CCDC39: variants seen among roughly 807,000 people sequenced by gnomAD.
CCDC39 encodes the protein coiled-coil domain 39 molecular ruler complex subunit, also known as coiled-coil domain-containing protein 39.
A neutral mutation model predicts 121.0 loss-of-function variants in CCDC39; 113 were observed. The ratio of observed to expected loss-of-function variants is 0.93; its 90% confidence interval spans 0.80 to 1.09. The LOEUF is 1.09. Ranked by LOEUF, CCDC39 falls within the 50% of genes least tolerant of loss-of-function variation. The probability of loss-of-function intolerance (pLI) is 0.00; values close to 1 mark genes in which losing one functional copy is unlikely to be tolerated. For missense variants in CCDC39, 1,063 were observed against 1,074.7 expected (o/e 0.99, Z 0.15); for synonymous variants, 349 against 352.2 (o/e 0.99, Z 0.10).
At chr3:180,671,561 A>T (rs1377476920) in intron 1 of CCDC39, among the ~76,000 whole-genome samples, 1 of 152,172 alleles carries the variant, frequency 6.6e-6, no homozygotes, top group East Asian at 1.9e-4. Flanking sequence ...CCTGCATCAA[A>T]AGATTTAGTG....
rs201549088 is a variant in CCDC39, at chr3:180,614,779, C to CT, written c.*141dup. 9.6e-4 allele frequency: 637 copies of CT among 661,290 alleles called. 1 individual carries two copies. Among genetic ancestry groups the CT allele is most frequent in the East Asian group, 9.0e-3 (288 of 32,168 alleles). The allele number at this position is 661,290 out of a possible 1,614,324, so 41.0% of individuals were successfully genotyped here. A position where few individuals can be genotyped will look rare whatever the true frequency, so the allele number is the denominator to read the frequency against. On this transcript the variant is annotated 3_prime_UTR_variant, in exon 20 of 20. Coordinates refer to ENST00000476379, the MANE Select transcript of CCDC39 (RefSeq NM_181426.2). ...AACAGTAGAGAAAATGAGAACGTTC[C>CT]TTTTTTTTTAAAACTATCAGTTTTT...
intron 14 of CCDC39, among the ~76,000 whole-genome samples, chr3:180,622,280 G>A (rs1325531873): frequency 2.6e-5 from 4 of 152,012 alleles, no homozygotes; most frequent in Non-Finnish European, 5.9e-5. Flanking sequence ...CGAAACTGCT[G>A]AATTCATTTA....
chr3:180,631,398 C>G (rs1372285157), intron 14 of CCDC39, 71 bp downstream of exon 14: 1 of 1,348,930 alleles, frequency 7.4e-7, no homozygotes, highest in Non-Finnish European at 1.0e-6. Flanking sequence ...TATTTAAATT[C>G]AGAGGATTAT....
At chr3:180,617,417 G>C (rs997835740) in intron 16 of CCDC39, 1 of 669,136 alleles carries the variant, frequency 1.5e-6, no homozygotes, top group East Asian at 2.7e-5. Context: ...CTATAAAACA[G>C]CCTCAGGCAG....
At chr3:180,655,521 T>C (rs1370011342) in intron 6 of CCDC39, among the ~76,000 whole-genome samples, 2 of 151,150 alleles carry the variant, frequency 1.3e-5, no homozygotes, top group East Asian at 3.9e-4. Context: ...TATACTTTCC[T>C]GGCTTTCCAG....
intron 8 of CCDC39, 108 bp from the exon 9 acceptor site, chr3:180,651,641 T>A (rs1404451099): frequency 4.7e-6 from 5 of 1,062,722 alleles, no homozygotes; most frequent in African/African-American, 1.7e-5. Flanking sequence ...AAGGGGTTTT[T>A]TGCGTAAACC....
chr3:180,647,572 T>G (rs1367896593), intron 10 of CCDC39, among the ~76,000 whole-genome samples: 1 of 152,132 alleles, frequency 6.6e-6, no homozygotes, highest in Non-Finnish European at 1.5e-5. Context: ...GGGCACATTA[T>G]CTAAGGGATA....
At chr3:180,670,638 TC>T (rs1233989051) in intron 1 of CCDC39, among the ~76,000 whole-genome samples, 125 of 135,042 alleles carry the variant, frequency 9.3e-4, no homozygotes, top group African/African-American at 3.4e-3. Flanking sequence ...CTTTTTTTTC[TC>T]TTTTTTTTTT....
chr3:180,655,598 A>G (rs973415389), intron 6 of CCDC39, among the ~76,000 whole-genome samples: 2 of 152,084 alleles, frequency 1.3e-5, no homozygotes, highest in Non-Finnish European at 2.9e-5. Flanking sequence ...CCAAGAGGCA[A>G]CATTTGAGTC....
At chr3:180,655,761 G>T (rs1453921791) in intron 6 of CCDC39, among the ~76,000 whole-genome samples, 2 of 152,008 alleles carry the variant, frequency 1.3e-5, no homozygotes, top group Non-Finnish European at 1.5e-5. Flanking sequence ...GCCAAATTGT[G>T]AAAAAATTCA....
rs1456436127 is a variant in CCDC39, at chr3:180,677,818, CTT to C, written c.90+1471_90+1472del. 9.2e-5 allele frequency among the ~76,000 whole-genome samples: 14 copies of C among 152,006 alleles called. 1 individual carries two copies. The highest frequency in any genetic ancestry group is 7.9e-4 in the Admixed American group (12 of 15,258). ...AATCATTTCTACAGTACAGTGGACA[CTT>C]TGGAGAGGAAATACCTTATGTTTTT... On this transcript the variant is annotated intron_variant, in intron 1 of 19. Transcript: ENST00000476379.
intron 14 of CCDC39, among the ~76,000 whole-genome samples, chr3:180,621,534 GTCT>G (rs761566977): frequency 6.6e-5 from 10 of 151,916 alleles, no homozygotes; most frequent in Admixed American, 2.0e-4. Flanking sequence ...CCATTTGTTT[GTCT>G]TCTTTTGAAA....
intron 1 of CCDC39, among the ~76,000 whole-genome samples, chr3:180,670,605 G>A (rs1361432492): frequency 7.0e-6 from 1 of 142,934 alleles, no homozygotes; most frequent in Non-Finnish European, 1.5e-5. Flanking sequence ...CTTCATGTCT[G>A]TATATGTAAA....
Position 180,654,969 on chromosome 3 carries a change from A to C in CCDC39, c.739-16T>G. The C allele has an allele frequency of 6.9e-7, 1 of 1,444,402 alleles. No homozygotes were observed. Among genetic ancestry groups the C allele is most frequent in the Non-Finnish European group, 9.2e-7 (1 of 1,083,370 alleles). The allele number at this position is 1,444,402 out of a possible 1,614,324, so 89.5% of individuals were successfully genotyped here. A position where few individuals can be genotyped will look rare whatever the true frequency, so the allele number is the denominator to read the frequency against. On this transcript the variant is annotated splice_polypyrimidine_tract_variant and intron_variant, in intron 6 of 19. Coordinates refer to ENST00000476379, the MANE Select transcript of CCDC39 (RefSeq NM_181426.2). ...TTGCTAATTCCTAGGATTAAAACAAATATGTTTACTTAAATATATGTTTAA... is the reference window on the plus strand; with the variant it reads ...TTGCTAATTCCTAGGATTAAAACAACTATGTTTACTTAAATATATGTTTAA...
chr3:180,638,407 C>A (rs1308889618), intron 13 of CCDC39, among the ~76,000 whole-genome samples: 1 of 151,898 alleles, frequency 6.6e-6, no homozygotes, highest in Non-Finnish European at 1.5e-5. Flanking sequence ...ATCAGTTCGA[C>A]AAAACAAATT....
chr3:180,662,981 G>A (rs934336536), intron 2 of CCDC39, among the ~76,000 whole-genome samples: 12 of 152,112 alleles, frequency 7.9e-5, no homozygotes, highest in Non-Finnish European at 1.5e-4. Flanking sequence ...GGTTTGCTGG[G>A]CATCATTAGG....
At chr3:180,629,502 G>A (rs1560083358) in intron 14 of CCDC39, among the ~76,000 whole-genome samples, 1 of 152,148 alleles carries the variant, frequency 6.6e-6, no homozygotes, top group African/African-American at 2.4e-5. Context: ...TACCTGGAGG[G>A]CCCACTAGAA....
chr3:180,640,519 G>A (rs560310220), intron 13 of CCDC39, among the ~76,000 whole-genome samples: 1 of 152,052 alleles, frequency 6.6e-6, no homozygotes, highest in African/African-American at 2.4e-5. Context: ...TCCAAATAAT[G>A]TTAATACTGA....
rs1192064375 is a variant in CCDC39, at chr3:180,614,946, A to G, written c.2801T>C (p.Val934Ala). ...TTATTTGCTGCTCTTTTTGCTCTTA[A>G]CATTACTAGAGCTACTACTAGCACT... Reference protein sequence around the residue: ...PSSASSSSSNVKSKKSSK With the variant: ...PSSASSSSSNAKSKKSSK The change falls in exon 20 of 20, where the codon GTT becomes GCT. Residue 934 changes from valine to alanine, a missense_variant. By Grantham distance (64) the Val-to-Ala change is moderately conservative (BLOSUM62 0). Coordinates refer to ENST00000476379, the MANE Select transcript of CCDC39 (RefSeq NM_181426.2). 1.3e-6 allele frequency: 2 copies of G among 1,565,880 alleles called. No homozygotes were observed. Among genetic ancestry groups the G allele is most frequent in the South Asian group, 2.4e-5 (2 of 84,962 alleles).
Sources: allele counts gnomAD v4.1 joint callset (sites outside exome capture counted in the v4.1 genomes callset), GRCh38; gene constraint gnomAD v4.1.1; transcripts MANE v1.5; gene names NCBI Gene and HGNC (gene_info 2026-07-23, HGNC 2026-07-21).